ZNF197: variants seen among roughly 807,000 people sequenced by gnomAD.
ZNF197 encodes the protein zinc finger protein 197, also known as VHL-associated KRAB-A domain-containing protein.
A neutral mutation model predicts 27.4 loss-of-function variants in ZNF197; 14 were observed. That is an observed-to-expected ratio of 0.51 (90% CI 0.34 to 0.80). The LOEUF is 0.80. ZNF197 is among the 30% of genes least tolerant of loss of function. The probability of loss-of-function intolerance (pLI) is 0.02; values close to 1 mark genes in which losing one functional copy is unlikely to be tolerated. For synonymous variants in ZNF197, 415 were observed against 420.0 expected (o/e 0.99, Z 0.15); for missense variants, 1,090 against 1,222.6 (o/e 0.89, Z 1.62).
chr3:44,635,782 A>G (rs912581714), intron 5 of ZNF197, among the ~76,000 whole-genome samples: 3 of 152,208 alleles, frequency 2.0e-5, no homozygotes, highest in African/African-American at 7.2e-5. Flanking sequence ...ATTCTGTATA[A>G]TAAAAGGGTG....
chr3:44,643,412 C>A lies in ZNF197; in HGVS notation c.2282C>A (p.Pro761His). The change falls in exon 6 of 6, where the codon CCC (proline) becomes CAC (histidine). Residue 761 changes from proline (P) to histidine (H), a missense_variant. Coordinates refer to ENST00000344387, the MANE Select transcript of ZNF197 (RefSeq NM_006991.5). The part of the protein sequence containing the change: ...VHRRIHTGEK[P>H]FECSECGRAF... ...CGGAGAATCCACACCGGAGAAAAAC[C>A]CTTTGAATGCAGTGAGTGTGGAAGA... 6.2e-7 allele frequency: 1 copy of A among 1,614,118 alleles called. No individual in the cohort carries two copies. Among genetic ancestry groups the A allele is most frequent in the Non-Finnish European group, 8.5e-7 (1 of 1,180,024 alleles).
At chr3:44,631,633 C>T (rs958711169) in intron 3 of ZNF197, among the ~76,000 whole-genome samples, 1 of 151,302 alleles carries the variant, frequency 6.6e-6, no homozygotes. Context: ...CTTGATCTGA[C>T]CTTGTGATCT....
chr3:44,630,482 G>C (rs1406870789), intron 2 of ZNF197, among the ~76,000 whole-genome samples: 1 of 152,164 alleles, frequency 6.6e-6, no homozygotes, highest in Non-Finnish European at 1.5e-5. Flanking sequence ...TCAAACTTGG[G>C]TGTGGCATTA....
intron 5 of ZNF197, among the ~76,000 whole-genome samples, chr3:44,641,359 A>G (rs1298715032): frequency 6.6e-6 from 1 of 152,174 alleles, no homozygotes; most frequent in African/African-American, 2.4e-5. Flanking sequence ...GAATTCTAAG[A>G]ATTAAGTTGC....
In ZNF197 at chr3:44,640,485, C is replaced by T. The variant is rs566781629; in HGVS notation, c.770-1415C>T. Reference sequence around the variant, plus strand: ...CTCTACCTCCCTGGTTCAAGTGATTCTCCTGCCTCAGCCTCCTGAGTAGCT... The same window carrying T: ...CTCTACCTCCCTGGTTCAAGTGATTTTCCTGCCTCAGCCTCCTGAGTAGCT... On this transcript the variant is annotated intron_variant, in intron 5 of 5. Transcript: ENST00000344387. This position sits in a 1 kb window ranked among gnomAD's most constrained non-coding sequence, Gnocchi z 4.0. Among the ~76,000 whole-genome samples the T allele has an allele frequency of 3.8e-3, 571 of 152,244 alleles. 2 individuals are homozygous for T. Among genetic ancestry groups the T allele is most frequent in the African/African-American group, 0.013 (522 of 41,540 alleles).
In ZNF197 at chr3:44,644,342, A is replaced by G. The variant is rs1702826066; in HGVS notation, c.*122A>G. On this transcript the variant is annotated 3_prime_UTR_variant, in exon 6 of 6. Coordinates refer to ENST00000344387, the MANE Select transcript of ZNF197 (RefSeq NM_006991.5). ...TTTACTAGACAAATGAGTAGCATAT[A>G]GAAGAAAGTTAATAGGCCGGGCTTG... 2.0e-5 allele frequency: 29 copies of G among 1,427,824 alleles called. No homozygotes were observed. The highest frequency in any genetic ancestry group is 2.6e-5 in the Non-Finnish European group (28 of 1,097,800). The allele number at this position is 1,427,824 out of a possible 1,614,324, so 88.4% of individuals were successfully genotyped here.
rs996100812 is a variant in ZNF197, at chr3:44,646,403, G to A, written c.*2183G>A. On this transcript the variant is annotated 3_prime_UTR_variant, in exon 6 of 6. Coordinates refer to ENST00000344387, the MANE Select transcript of ZNF197 (RefSeq NM_006991.5). The stretch of plus-strand genomic sequence containing the variant: ...ATGTCACATTGCTTAGATTGAGACA[G>A]CCCACATAATGTGCCACCTTCTGTG... The A allele has an allele frequency of 1.2e-6, 2 of 1,602,770 alleles. No individual in the cohort carries two copies. The highest frequency in any genetic ancestry group is 4.5e-5 in the East Asian group (2 of 44,708).
intron 1 of ZNF197, 138 bp from the exon 2 acceptor site, chr3:44,628,936 G>A: frequency 2.1e-6 from 1 of 482,068 alleles, no homozygotes. Context: ...GTCAGAGGAA[G>A]CACTCTCTAG....
At chr3:44,637,681 G>T (rs1397228526) in intron 5 of ZNF197, among the ~76,000 whole-genome samples, 3 of 151,880 alleles carry the variant, frequency 2.0e-5, no homozygotes, top group African/African-American at 7.3e-5. Flanking sequence ...TTTGCATGTG[G>T]CACCATTTAT....
chr3:44,646,424 C>A lies in ZNF197; in HGVS notation c.*2204C>A. On this transcript the variant is annotated 3_prime_UTR_variant, in exon 6 of 6. Transcript: ENST00000344387. ...GACAGCCCACATAATGTGCCACCTTCTGTGATGTAATAAGCTGAAAAATGT... is the reference window on the plus strand; with the variant it reads ...GACAGCCCACATAATGTGCCACCTTATGTGATGTAATAAGCTGAAAAATGT... 1 of 1,610,764 alleles carries A rather than the reference C, an allele frequency of 6.2e-7. No individual in the cohort carries two copies. Among genetic ancestry groups the A allele is most frequent in the South Asian group, 1.1e-5 (1 of 90,334 alleles).
intron 1 of ZNF197, among the ~76,000 whole-genome samples, chr3:44,628,363 T>C (rs866172395): frequency 3.3e-4 from 50 of 152,264 alleles, no homozygotes; most frequent in African/African-American, 1.1e-3. Flanking sequence ...TTTATCCATC[T>C]GTGGGACTAG....
At chr3:44,638,998 G>C (rs903222348) in intron 5 of ZNF197, among the ~76,000 whole-genome samples, 10 of 152,340 alleles carry the variant, frequency 6.6e-5, no homozygotes, top group Non-Finnish European at 1.0e-4. Context: ...ACAGGCATGA[G>C]CCACTGTGCC....
rs548140662 is a variant in ZNF197, at chr3:44,646,813, G to A, written c.*2593G>A. The A allele has an allele frequency of 2.9e-6, 1 of 343,686 alleles. No individual in the cohort carries two copies. Among genetic ancestry groups the A allele is most frequent in the South Asian group, 4.4e-5 (1 of 22,884 alleles). The allele number at this position is 343,686 out of a possible 1,614,324, so 21.3% of individuals were successfully genotyped here. On this transcript the variant is annotated 3_prime_UTR_variant, in exon 6 of 6. Coordinates refer to ENST00000344387, the MANE Select transcript of ZNF197 (RefSeq NM_006991.5). ...AATAGACTCACATAAATGGCCAATT[G>A]ATTTTTGACAGGGGCAAAAGCAATT...
At position 44,632,748 on chromosome 3, in the gene ZNF197, A is replaced by C. The variant is rs1055337383; in HGVS notation, c.769+149A>C. The C allele has an allele frequency of 4.1e-6, 4 of 982,532 alleles. No individual in the cohort carries two copies. In the Admixed American group the frequency reaches 1.0e-4, roughly 25 times the overall value. The allele number at this position is 982,532 out of a possible 1,614,324, so 60.9% of individuals were successfully genotyped here. A position where few individuals can be genotyped will look rare whatever the true frequency, so the allele number is the denominator to read the frequency against. On this transcript the variant is annotated intron_variant, in intron 5 of 5. Coordinates refer to ENST00000344387, the MANE Select transcript of ZNF197 (RefSeq NM_006991.5). ...TCCTTAACATCGCTATTTCCAGATA[A>C]CTATTATCATTTTGATATATTACCT...
In ZNF197 at chr3:44,642,079, A is replaced by G; in HGVS notation, c.949A>G (p.Arg317Gly). 6.2e-7 allele frequency: 1 copy of G among 1,614,158 alleles called. No homozygotes were observed. Among genetic ancestry groups the G allele is most frequent in the Non-Finnish European group, 8.5e-7 (1 of 1,180,006 alleles). The stretch of plus-strand genomic sequence containing the variant: ...TCAGTGGGGAAATGAAACAGATGAA[A>G]GGGCAGATACAGTGAAGAAAGTTTC... ...ASQWGNETDE[R>G]ADTVKKVSLC... Residue 317 changes from arginine to glycine, a missense_variant, in exon 6 of 6, where the codon AGG becomes GGG. Physicochemically the swap from Arg to Gly is moderately radical, Grantham distance 125 (BLOSUM62 -2). Transcript: ENST00000344387.
chr3:44,636,356 C>T (rs1702287569), intron 5 of ZNF197, among the ~76,000 whole-genome samples: 2 of 152,072 alleles, frequency 1.3e-5, no homozygotes, highest in African/African-American at 4.8e-5. Flanking sequence ...ACCTTGAACC[C>T]TTCAGCAGTC....
Position 44,643,672 on chromosome 3 carries a change from T to C in ZNF197, c.2542T>C (p.Cys848Arg). ...CCATACTGGTGAGAAGCCCTATGCG[T>C]GTAGTGAGTGTGGAAAAGGTTTTAC... ...RIHTGEKPYA[C>R]SECGKGFTYN... is the part of the protein sequence containing the mutation. The change falls in exon 6 of 6, where the codon TGT (cysteine) becomes CGT (arginine). Residue 848 changes from cysteine (C) to arginine (R), a missense_variant. Physicochemically the swap from Cys to Arg is radical, Grantham distance 180. Coordinates refer to ENST00000344387, the MANE Select transcript of ZNF197 (RefSeq NM_006991.5). The C allele has an allele frequency of 6.2e-7, 1 of 1,614,110 alleles. No homozygotes were observed. The highest frequency in any genetic ancestry group is 8.5e-7 in the Non-Finnish European group (1 of 1,180,024).
Position 44,646,596 on chromosome 3 carries a change from A to T in ZNF197, c.*2376A>T. The T allele has an allele frequency of 1.2e-6, 1 of 866,852 alleles. No individual in the cohort carries two copies. The highest frequency in any genetic ancestry group is 2.0e-6 in the Non-Finnish European group (1 of 509,768). 53.7% of individuals were successfully genotyped at this position (866,852 alleles called of 1,614,324 possible). A position where few individuals can be genotyped will look rare whatever the true frequency, so the allele number is the denominator to read the frequency against. On this transcript the variant is annotated 3_prime_UTR_variant, in exon 6 of 6. Transcript: ENST00000344387. ...TAAGAAAGCTGCCCTGGATTCTTCA[A>T]AATATTATTATGATGAAAAAGAGAG...
rs1474646644 is a variant in ZNF197 at position 44,631,235 on chromosome 3, G to A, written c.550+14G>A. On this transcript the variant is annotated intron_variant, in intron 3 of 5. Transcript: ENST00000344387. ...ATCCTCAGCATGGTATTTACTCAGT[G>A]CTCTGGGTTTTGGGCTGTTCAAGGA... 2 of 1,613,848 alleles carry A rather than the reference G, an allele frequency of 1.2e-6. No individual in the cohort carries two copies. Among genetic ancestry groups the A allele is most frequent in the East Asian group, 4.5e-5 (2 of 44,880 alleles).
Sources: allele counts gnomAD v4.1 joint callset (sites outside exome capture counted in the v4.1 genomes callset), GRCh38; gene constraint gnomAD v4.1.1; non-coding constraint Gnocchi (gnomAD v3.1); transcripts MANE v1.5; gene names NCBI Gene and HGNC (gene_info 2026-07-23, HGNC 2026-07-21).